The following WDPCP variants were observed in gnomAD, a reference collection of about 807,000 sequenced individuals.
WDPCP encodes the protein WD repeat containing planar cell polarity effector, also known as WD repeat-containing and planar cell polarity effector protein fritz homolog.
A neutral mutation model predicts 93.1 loss-of-function variants in WDPCP; 71 were observed. The ratio of observed to expected loss-of-function variants is 0.76; its 90% confidence interval spans 0.63 to 0.93. The LOEUF is 0.93. WDPCP is among the 40% of genes least tolerant of loss of function. The probability of loss-of-function intolerance (pLI) is 0.00; values close to 1 mark genes in which losing one functional copy is unlikely to be tolerated. For missense variants in WDPCP, 844 were observed against 887.4 expected, an observed-to-expected ratio of 0.95 and a Z score of 0.62; for synonymous variants, 315 against 315.0, an observed-to-expected ratio of 1.00 and a Z score of 0.00.
chr2:63,198,216 T>A (rs889022104), intron 14 of WDPCP, among the ~76,000 whole-genome samples: 1 of 152,230 alleles, frequency 6.6e-6, no homozygotes, highest in Non-Finnish European at 1.5e-5. Flanking sequence ...TTTTCTCCAC[T>A]GATTTGAACT....
chr2:63,373,553 A>G (rs1166159883), intron 12 of WDPCP, among the ~76,000 whole-genome samples: 6 of 151,148 alleles, frequency 4.0e-5, no homozygotes, highest in Admixed American at 4.0e-4. Flanking sequence ...CAAAGCACCC[A>G]GCCACCTTCT....
rs189985863 is a variant in WDPCP at position 63,584,253 on chromosome 2, C to G, written c.75+3944G>C. On this transcript the variant is annotated intron_variant, in intron 1 of 17. Transcript: ENST00000272321. ...GAAGACCCCAGTACCCCGTCTCCTACTCTCCTCCCCAAGCAACCACTATCC... is the reference window on the plus strand; with the variant it reads ...GAAGACCCCAGTACCCCGTCTCCTAGTCTCCTCCCCAAGCAACCACTATCC... 8.1e-4 allele frequency among the ~76,000 whole-genome samples: 123 copies of G among 152,272 alleles called. 2 individuals carry two copies. The highest frequency in any genetic ancestry group is 5.1e-3 in the Admixed American group (78 of 15,286).
upstream of WDPCP, among the ~76,000 whole-genome samples, chr2:63,592,293 C>T (rs1394291949): frequency 6.6e-6 from 1 of 152,198 alleles, no homozygotes; most frequent in Admixed American, 6.5e-5. Flanking sequence ...CACTAAGTTT[C>T]CAGTTTTCTC....
chr2:63,643,473 C>T (rs262476), intron 3 of WDPCP: 256,543 of 331,182 alleles, frequency 0.77, 100,649 homozygotes, highest in East Asian at 0.98. Flanking sequence ...CCCTGGTTAT[C>T]CTTCCCAGGT....
intron 6 of WDPCP, among the ~76,000 whole-genome samples, chr2:63,466,690 T>C (rs1390838978): frequency 5.3e-5 from 8 of 152,222 alleles, no homozygotes; most frequent in African/African-American, 1.9e-4. Context: ...ATATTTGGTA[T>C]GTGTTTGTAA....
intron 12 of WDPCP, among the ~76,000 whole-genome samples, chr2:63,315,130 A>G (rs550548575): frequency 6.6e-6 from 1 of 152,342 alleles, no homozygotes; most frequent in South Asian, 2.1e-4. Context: ...AGGGGGCCAT[A>G]TCCTCCATAA....
chr2:63,593,623 A>G, upstream of WDPCP: 1 of 471,738 alleles, frequency 2.1e-6, no homozygotes, highest in Non-Finnish European at 4.4e-6. Flanking sequence ...CCATTTCTCC[A>G]TGCAGGTAGG....
At chr2:63,783,422 A>T (rs975496548) in intron 2 of WDPCP, among the ~76,000 whole-genome samples, 7 of 151,626 alleles carry the variant, frequency 4.6e-5, no homozygotes, top group Non-Finnish European at 8.8e-5. Flanking sequence ...TCTGTCTCTA[A>T]AAAAAAAATT....
At chr2:63,394,204 AAAC>A (rs1693524472) in intron 10 of WDPCP, among the ~76,000 whole-genome samples, 1 of 152,184 alleles carries the variant, frequency 6.6e-6, no homozygotes, top group African/African-American at 2.4e-5. Context: ...ACCAAAACAC[AAAC>A]AACCCCATTA....
chr2:63,783,111 A>G (rs1670418830), intron 2 of WDPCP, among the ~76,000 whole-genome samples: 1 of 152,016 alleles, frequency 6.6e-6, no homozygotes, highest in Non-Finnish European at 1.5e-5. Context: ...AAAAGAAATA[A>G]TTACATCAAA....
chr2:63,513,015 G>C (rs1702334293), intron 1 of WDPCP, among the ~76,000 whole-genome samples: 1 of 152,104 alleles, frequency 6.6e-6, no homozygotes. Flanking sequence ...TCATGAGGAA[G>C]ACAGTAAATT....
upstream of WDPCP, among the ~76,000 whole-genome samples, chr2:63,832,154 G>T (rs1001030795): frequency 1.3e-5 from 2 of 152,186 alleles, no homozygotes; most frequent in Non-Finnish European, 2.9e-5. Context: ...AATGAGAGCT[G>T]GATAGCCTAA....
Position 63,604,767 on chromosome 2 carries a change from T to C in WDPCP, n.488+45892A>G, listed in dbSNP as rs1248528843. On this transcript the variant is annotated intron_variant and non_coding_transcript_variant, in intron 3 of 4. Coordinates refer to the WDPCP transcript ENST00000467687. ...TTATCTGGGGAAACCATTCCTCGAC[T>C]CAGTATCCAGATGTCAACCATGCCA... 5 of 1,614,062 alleles carry C rather than the reference T, an allele frequency of 3.1e-6. No homozygotes were observed. In the African/African-American group the frequency reaches 6.7e-5, roughly 22 times the overall value.
intron 9 of WDPCP, among the ~76,000 whole-genome samples, chr2:63,408,122 G>A (rs1242961711): frequency 6.6e-6 from 1 of 152,204 alleles, no homozygotes; most frequent in Non-Finnish European, 1.5e-5. Flanking sequence ...AGACAGAGCA[G>A]TGTGTGGAGG....
chr2:63,823,349 T>C (rs886574049), intron 1 of WDPCP, among the ~76,000 whole-genome samples: 40 of 151,964 alleles, frequency 2.6e-4, no homozygotes, highest in African/African-American at 9.2e-4. Context: ...CTACTAAAAA[T>C]ACAAAAATTA....
intron 1 of WDPCP, among the ~76,000 whole-genome samples, chr2:63,824,505 G>T (rs553575660): frequency 8.6e-6 from 1 of 116,660 alleles, no homozygotes. Flanking sequence ...CTGTGATCAC[G>T]CCACTGCACT....
intron 14 of WDPCP, among the ~76,000 whole-genome samples, chr2:63,204,120 C>A (rs895372617): frequency 6.6e-6 from 1 of 152,064 alleles, no homozygotes; most frequent in Non-Finnish European, 1.5e-5. Context: ...TTTTGAGGAA[C>A]CTCCAACCTG....
chr2:63,518,619 C>T (rs1252702174), intron 1 of WDPCP: 1 of 152,632 alleles, frequency 6.6e-6, no homozygotes, highest in Admixed American at 6.5e-5. Flanking sequence ...CAAAGCTCAC[C>T]AGGCACCCCT....
At chr2:63,705,910 CATT>C (rs1338698553) in intron 2 of WDPCP, among the ~76,000 whole-genome samples, 3 of 152,136 alleles carry the variant, frequency 2.0e-5, no homozygotes, top group African/African-American at 7.2e-5. Flanking sequence ...TAAAGTCTCC[CATT>C]ATTATTGTGT....
Sources: allele counts gnomAD v4.1 joint callset (sites outside exome capture counted in the v4.1 genomes callset), GRCh38; gene constraint gnomAD v4.1.1; transcripts MANE v1.5; gene names NCBI Gene and HGNC (gene_info 2026-07-23, HGNC 2026-07-21).